The following ZNF609 variants were observed in gnomAD, a reference collection of about 807,000 sequenced individuals.
The protein encoded by ZNF609 is zinc finger protein 609.
ZNF609 carries 11 observed loss-of-function variants against 109.5 expected under a neutral mutation model. That is an observed-to-expected ratio of 0.10 (90% CI 0.06 to 0.17). The LOEUF is 0.17. Among genes scored for constraint, ZNF609 ranks in the 10% least tolerant of loss-of-function variants. The pLI is 1.00. For missense variants in ZNF609, 1,559 were observed against 1,772.4 expected, an observed-to-expected ratio of 0.88 and a Z score of 2.16; for synonymous variants, 646 against 662.0, an observed-to-expected ratio of 0.98 and a Z score of 0.37.
At position 64,632,435 on chromosome 15, in the gene ZNF609, G is replaced by T. The variant is rs573640349; in HGVS notation, c.973+9383G>T. Among the ~76,000 whole-genome samples, 19 of 152,008 alleles carry T rather than the reference G, an allele frequency of 1.2e-4. No homozygotes were observed. The East Asian group carries it at 3.3e-3, about 26-fold the overall frequency. On this transcript the variant is annotated intron_variant, in intron 3 of 9. Transcript: ENST00000326648. ...AATTACGTGGAATTCAAATTTCAGT[G>T]TCTATAAATAAAGGGTTTTTTGTTT...
chr15:64,523,977 T>A (rs1259802829), intron 2 of ZNF609, among the ~76,000 whole-genome samples: 2 of 151,858 alleles, frequency 1.3e-5, no homozygotes, highest in African/African-American at 2.4e-5. Flanking sequence ...AACTGGAAAA[T>A]TTTTTGGAAG....
intron 1 of ZNF609, among the ~76,000 whole-genome samples, chr15:64,472,394 T>C (rs1197858400): frequency 6.6e-6 from 1 of 152,198 alleles, no homozygotes; most frequent in African/African-American, 2.4e-5. Context: ...ACCTATAGTT[T>C]CTTAGACTGT....
chr15:64,566,317 G>A (rs1397805234), intron 2 of ZNF609, among the ~76,000 whole-genome samples: 4 of 152,204 alleles, frequency 2.6e-5, no homozygotes, highest in Non-Finnish European at 2.9e-5. Context: ...GCCACAGATC[G>A]AGACCTTGTC....
intron 2 of ZNF609, among the ~76,000 whole-genome samples, chr15:64,587,055 G>C (rs1567022025): frequency 6.6e-6 from 1 of 152,180 alleles, no homozygotes; most frequent in Non-Finnish European, 1.5e-5. Context: ...GAAGGAAAAT[G>C]CTTTGCTGTT....
intron 2 of ZNF609, among the ~76,000 whole-genome samples, chr15:64,537,946 CAAAAAA>C (rs764180970): frequency 6.9e-4 from 102 of 147,618 alleles, no homozygotes; most frequent in Admixed American, 1.1e-3. Flanking sequence ...ACTAAAAATA[CAAAAAA>C]AAAATTAGCC....
chr15:64,524,299 C>T (rs1212494406), intron 2 of ZNF609, among the ~76,000 whole-genome samples: 2 of 152,238 alleles, frequency 1.3e-5, no homozygotes, highest in African/African-American at 4.8e-5. Flanking sequence ...GGCGCAGTGG[C>T]TCACGCCTGT....
At chr15:64,576,113 A>G (rs1295780667) in intron 2 of ZNF609, among the ~76,000 whole-genome samples, 1 of 152,088 alleles carries the variant, frequency 6.6e-6, no homozygotes, top group Non-Finnish European at 1.5e-5. Context: ...AATAATAATA[A>G]TAATAATTAC....
At chr15:64,548,134 C>T (rs1399718864) in intron 2 of ZNF609, among the ~76,000 whole-genome samples, 1 of 152,138 alleles carries the variant, frequency 6.6e-6, no homozygotes, top group East Asian at 1.9e-4. Flanking sequence ...AGCTATGCTG[C>T]GATCCCTCAA....
chr15:64,630,091 C>CTTTTT (rs200425813), intron 3 of ZNF609, among the ~76,000 whole-genome samples: 3,424 of 142,546 alleles, frequency 0.024, 110 homozygotes, highest in South Asian at 0.043. Context: ...TCCTAATTTT[C>CTTTTT]TTTTTTCTTT....
At chr15:64,485,767 T>G (rs926530829) in intron 1 of ZNF609, among the ~76,000 whole-genome samples, 9 of 152,196 alleles carry the variant, frequency 5.9e-5, no homozygotes, top group Middle Eastern at 3.2e-3. Context: ...GCCACTGTAC[T>G]CTAGCCTGGC....
chr15:64,511,975 A>G (rs1310980063), intron 2 of ZNF609, among the ~76,000 whole-genome samples: 5 of 150,970 alleles, frequency 3.3e-5, no homozygotes, highest in African/African-American at 1.2e-4. Context: ...AGCCTCCCAA[A>G]GTGCTGGGAT....
At chr15:64,666,316 C>A (rs1896647992) in intron 3 of ZNF609, among the ~76,000 whole-genome samples, 1 of 152,022 alleles carries the variant, frequency 6.6e-6, no homozygotes, top group Non-Finnish European at 1.5e-5. Flanking sequence ...ATTGCTTGAA[C>A]CTGGGAGGCG....
At chr15:64,529,262 G>A in intron 2 of ZNF609, 2 of 714,728 alleles carry the variant, frequency 2.8e-6, no homozygotes, top group East Asian at 5.4e-5. Flanking sequence ...ACTTCTCATG[G>A]TTCACGCCCA....
rs559524691 is a variant in ZNF609 at position 64,553,224 on chromosome 15, T to C, written c.747+53058T>C. ...TTCTTTCAAAGTTATTTGGCTGTTA[T>C]AGATTATTTGTCATAAACATTTTAG... On this transcript the variant is annotated intron_variant, in intron 2 of 9. Transcript: ENST00000326648. Among the ~76,000 whole-genome samples the C allele has an allele frequency of 1.8e-3, 266 of 151,816 alleles. 1 individual carries two copies. The highest frequency in any genetic ancestry group is 2.7e-3 in the Admixed American group (41 of 15,228).
chr15:64,607,871 CTTTCTTTCTTCTTTCTTTTCTTTCTT>C (rs1567027765), intron 2 of ZNF609, among the ~76,000 whole-genome samples: 4 of 5,132 alleles, frequency 7.8e-4, no homozygotes, highest in Non-Finnish European at 1.1e-3. Context: ...TTCTTTCTTT[CTTTCTTTCTTCTTTCTTTTCTTTCTT>C]TTTTTTTTTT....
chr15:64,472,752 G>C (rs1893109308), intron 1 of ZNF609, among the ~76,000 whole-genome samples: 1 of 152,060 alleles, frequency 6.6e-6, no homozygotes, highest in Non-Finnish European at 1.5e-5. Flanking sequence ...AGCTACATGG[G>C]AAGTGGATCA....
chr15:64,672,216 T>C (rs948006816), intron 4 of ZNF609, among the ~76,000 whole-genome samples: 3 of 149,256 alleles, frequency 2.0e-5, no homozygotes, highest in African/African-American at 7.3e-5. Context: ...GTTTCACCGT[T>C]TTAGCCAGGA....
chr15:64,585,185 C>T (rs1009755522), intron 2 of ZNF609, among the ~76,000 whole-genome samples: 1 of 151,842 alleles, frequency 6.6e-6, no homozygotes, highest in African/African-American at 2.4e-5. Context: ...ATTAGTCAGG[C>T]GTGGTGATGC....
intron 2 of ZNF609, among the ~76,000 whole-genome samples, chr15:64,531,147 A>C (rs1229817682): frequency 6.6e-6 from 1 of 152,122 alleles, no homozygotes. Context: ...TGAATTACTT[A>C]GGTTATTTAG....
Sources: gnomAD v4.1 joint callset for allele counts (sites outside exome capture counted in the v4.1 genomes callset) on GRCh38, gnomAD v4.1.1 for gene constraint, MANE v1.5 for transcripts, NCBI Gene and HGNC (gene_info 2026-07-23, HGNC 2026-07-21) for gene names.